Variants in DNAH14 observed in about 807,000 individuals in gnomAD.
DNAH14 encodes the protein axonemal beta dynein heavy chain 14.
A neutral mutation model predicts 520.9 loss-of-function variants in DNAH14; 478 were observed. The observed-to-expected ratio is 0.92, with a 90% CI of 0.85 to 0.99. The LOEUF (loss-of-function observed/expected upper bound fraction) is 0.99. Among genes scored for constraint, DNAH14 ranks in the 50% least tolerant of loss-of-function variants. The pLI, the probability that DNAH14 is intolerant of heterozygous loss-of-function variation, is 0.00. For missense variants in DNAH14, 4,831 were observed against 5,234.5 expected (o/e 0.92, Z 2.38); for synonymous variants, 1,581 against 1,757.2 (o/e 0.90, Z 2.51).
At chr1:225,307,436 T>C (rs2094269447) in intron 58 of DNAH14, 25 bp from the exon 59 acceptor site, 1 of 1,456,300 alleles carries the variant, frequency 6.9e-7, no homozygotes, top group Admixed American at 2.3e-5. Context: ...ATCTTACACC[T>C]TCTTAATACT....
At chr1:225,158,615 A>G (rs934045985) in intron 34 of DNAH14, among the ~76,000 whole-genome samples, 1 of 152,202 alleles carries the variant, frequency 6.6e-6, no homozygotes, top group Non-Finnish European at 1.5e-5. Flanking sequence ...ACTTTAGTGA[A>G]TATTTGTTAT....
chr1:224,934,306 A>G (rs2058887789), intron 1 of DNAH14, among the ~76,000 whole-genome samples: 2 of 151,998 alleles, frequency 1.3e-5, no homozygotes, highest in Admixed American at 1.3e-4. Flanking sequence ...TAGGACATGA[A>G]TGAGTAATTT....
chr1:225,399,137 G>C lies in DNAH14; in HGVS notation c.13722G>C (p.Glu4574Asp). 6.4e-7 allele frequency: 1 copy of C among 1,551,706 alleles called. No individual in the cohort carries two copies. The highest frequency in any genetic ancestry group is 2.4e-5 in the East Asian group (1 of 40,916). Residue 4574 changes from glutamate to aspartate, a missense_variant, in exon 86 of 86, where the codon GAG (glutamate) becomes GAC (aspartate). Coordinates refer to ENST00000682510, the MANE Select transcript of DNAH14 (RefSeq NM_001367479.1). ...AFECPVYQTP[E>D]RSRILATTGL... ...AATGCCCAGTTTACCAGACACCTGA[G>C]AGGTCAAGAATTTTGGCAACTACCG...
intron 2 of DNAH14, 200 bp downstream of exon 2, chr1:224,952,979 C>T (rs2060272476): frequency 5.2e-6 from 2 of 381,910 alleles, no homozygotes; most frequent in Non-Finnish European, 9.5e-6. Context: ...TTGTTGGCTC[C>T]TTCCCCCAGA....
intron 27 of DNAH14, among the ~76,000 whole-genome samples, chr1:225,137,256 C>T (rs1030834626): frequency 6.6e-6 from 1 of 152,166 alleles, no homozygotes; most frequent in Non-Finnish European, 1.5e-5. Flanking sequence ...TATTCCTTCT[C>T]ATCTTTGTGG....
chr1:225,175,033 T>C (rs1443250589), intron 36 of DNAH14, among the ~76,000 whole-genome samples: 1 of 152,212 alleles, frequency 6.6e-6, no homozygotes, highest in Non-Finnish European at 1.5e-5. Flanking sequence ...TCCCTCTTGA[T>C]CATGGTTAAT....
chr1:225,172,651 G>A (rs2082838083), intron 36 of DNAH14, among the ~76,000 whole-genome samples: 1 of 152,158 alleles, frequency 6.6e-6, no homozygotes, highest in South Asian at 2.1e-4. Flanking sequence ...ATGCTCATGG[G>A]CAGAAAGAAT....
chr1:225,306,890 A>G (rs895452206), intron 58 of DNAH14, among the ~76,000 whole-genome samples: 23 of 152,128 alleles, frequency 1.5e-4, no homozygotes, highest in African/African-American at 5.6e-4. Flanking sequence ...CTTCTTTGCT[A>G]CTTGGAAATT....
chr1:224,959,664 T>C (rs1373128915), intron 3 of DNAH14, among the ~76,000 whole-genome samples: 1 of 152,136 alleles, frequency 6.6e-6, no homozygotes, highest in African/African-American at 2.4e-5. Flanking sequence ...TCTGTATTTA[T>C]CTCTAAATAT....
intron 35 of DNAH14, among the ~76,000 whole-genome samples, chr1:225,165,493 A>G (rs2081952473): frequency 6.6e-6 from 1 of 151,634 alleles, no homozygotes; most frequent in African/African-American, 2.4e-5. Context: ...CTCCAATAAA[A>G]CTAAGCTTAG....
intron 10 of DNAH14, among the ~76,000 whole-genome samples, chr1:225,014,244 G>A (rs921567136): frequency 2.0e-5 from 3 of 152,108 alleles, no homozygotes; most frequent in African/African-American, 4.8e-5. Context: ...TGGGTGAGGC[G>A]ACGCCCCACC....
chr1:225,313,641 T>C (rs1320806579), intron 60 of DNAH14, among the ~76,000 whole-genome samples: 1 of 152,228 alleles, frequency 6.6e-6, no homozygotes, highest in African/African-American at 2.4e-5. Flanking sequence ...GTACGTTGTG[T>C]CTTTGTTCTC....
chr1:224,977,428 G>A (rs904212989), intron 8 of DNAH14, among the ~76,000 whole-genome samples: 13 of 152,032 alleles, frequency 8.6e-5, no homozygotes, highest in Non-Finnish European at 1.2e-4. Flanking sequence ...CATGGCACAC[G>A]TATACATATG....
chr1:224,998,817 C>A (rs2063560842), intron 8 of DNAH14, among the ~76,000 whole-genome samples: 1 of 152,176 alleles, frequency 6.6e-6, no homozygotes, highest in Non-Finnish European at 1.5e-5. Context: ...CTTTGCTGAT[C>A]TTCTGCCTAG....
intron 66 of DNAH14, among the ~76,000 whole-genome samples, chr1:225,335,710 TATATACGCATATATAC>T: frequency 1.2e-5 from 1 of 84,914 alleles, no homozygotes; most frequent in African/African-American, 5.6e-5. Context: ...TGCATATATG[TATATACGCATATATAC>T]ATATGTGCAT....
intron 8 of DNAH14, among the ~76,000 whole-genome samples, chr1:224,980,317 C>A (rs753908847): frequency 7.2e-5 from 11 of 152,110 alleles, no homozygotes; most frequent in Non-Finnish European, 1.6e-4. Flanking sequence ...ACTGAAAAGC[C>A]CTTGGTGAAC....
intron 84 of DNAH14, chr1:225,397,767 C>T (rs6426068): frequency 0.08 from 12,226 of 152,226 alleles, 745 homozygotes; most frequent in Non-Finnish European, 0.11. Flanking sequence ...GGAACCCGGC[C>T]GGGCATGGTG....
intron 17 of DNAH14, among the ~76,000 whole-genome samples, chr1:225,075,492 T>C (rs1229560381): frequency 1.3e-5 from 2 of 152,200 alleles, no homozygotes; most frequent in Non-Finnish European, 2.9e-5. Context: ...AATTTCTAAA[T>C]TTAGTCATTT....
chr1:225,086,424 G>A (rs771397128), intron 21 of DNAH14, among the ~76,000 whole-genome samples: 44 of 151,980 alleles, frequency 2.9e-4, no homozygotes, highest in South Asian at 6.2e-4. Flanking sequence ...ATGAGCCACC[G>A]TGCCCGACCC....
Sources: gnomAD v4.1 joint callset for allele counts (sites outside exome capture counted in the v4.1 genomes callset) on GRCh38, gnomAD v4.1.1 for gene constraint, MANE v1.5 for transcripts, NCBI Gene and HGNC (gene_info 2026-07-23, HGNC 2026-07-21) for gene names.